The following BRCA1 variants were observed in gnomAD, a reference collection of about 807,000 sequenced individuals.
BRCA1 encodes the protein breast cancer type 1 susceptibility protein.
In BRCA1, 140 loss-of-function variants were observed where a neutral mutation model predicts 173.7. The observed-to-expected ratio is 0.81, with a 90% CI of 0.70 to 0.93. The LOEUF is 0.93. Ranked by LOEUF, BRCA1 falls within the 40% of genes least tolerant of loss-of-function variation. The pLI is 0.00. For missense variants in BRCA1, 1,983 were observed against 2,172.5 expected (o/e 0.91, Z 1.73); for synonymous variants, 662 against 756.0 (o/e 0.88, Z 2.04).
At chr17:43,105,480 A>C (rs1178791068) in intron 4 of BRCA1, among the ~76,000 whole-genome samples, 1 of 152,120 alleles carries the variant, frequency 6.6e-6, no homozygotes, top group South Asian at 2.1e-4. Context: ...GCCTCAAGCA[A>C]TCATCCCACC....
intron 2 of BRCA1, among the ~76,000 whole-genome samples, chr17:43,121,482 C>G (rs1025062344): frequency 6.6e-6 from 1 of 151,924 alleles, no homozygotes; most frequent in Non-Finnish European, 1.5e-5. Context: ...GTCAGGAGTT[C>G]GAGACCAACC....
chr17:43,142,658 C>G (rs1486369601), intron 1 of BRCA1: 3 of 152,168 alleles, frequency 2.0e-5, no homozygotes, highest in Non-Finnish European at 2.9e-5. Context: ...CTGTAAAATG[C>G]CTAACCCAGG....
intron 1 of BRCA1, among the ~76,000 whole-genome samples, chr17:43,143,458 C>T (rs751373938): frequency 5.3e-5 from 8 of 152,184 alleles, no homozygotes; most frequent in Non-Finnish European, 8.8e-5. Context: ...GCTTCCCAGT[C>T]ACACTGCTCC....
intron 1 of BRCA1, among the ~76,000 whole-genome samples, chr17:43,156,082 C>G (rs1315044106): frequency 6.6e-6 from 1 of 151,910 alleles, no homozygotes; most frequent in African/African-American, 2.4e-5. Context: ...GCTAAAACTA[C>G]AAAAATTAAC....
chr17:43,081,606 A>ATGCTATG (rs2053004238), intron 12 of BRCA1, among the ~76,000 whole-genome samples: 1 of 152,064 alleles, frequency 6.6e-6, no homozygotes, highest in South Asian at 2.1e-4. Context: ...CCTAGTGGGG[A>ATGCTATG]CCCCATGCCT....
chr17:43,110,472 G>C (rs2054985207), intron 3 of BRCA1: 1 of 365,950 alleles, frequency 2.7e-6, no homozygotes, highest in Non-Finnish European at 5.4e-6. Context: ...TACAGTCCCA[G>C]CTACTTGGGA....
intron 1 of BRCA1, among the ~76,000 whole-genome samples, chr17:43,154,179 C>G (rs1876897570): frequency 6.6e-6 from 1 of 151,852 alleles, no homozygotes; most frequent in African/African-American, 2.4e-5. Context: ...CAGAGGAAGA[C>G]TCTGTCTCAA....
At chr17:43,060,673 T>C (rs1430797009) in intron 18 of BRCA1, among the ~76,000 whole-genome samples, 1 of 150,558 alleles carries the variant, frequency 6.6e-6, no homozygotes, top group Non-Finnish European at 1.5e-5. Context: ...ACCATGCTAG[T>C]TTTTTGTATT....
intron 1 of BRCA1, among the ~76,000 whole-genome samples, chr17:43,135,634 C>G (rs969749116): frequency 8.5e-5 from 13 of 152,174 alleles, no homozygotes; most frequent in Non-Finnish European, 1.3e-4. Flanking sequence ...TGAGCCCGAA[C>G]AGTCCATAGG....
intron 1 of BRCA1, among the ~76,000 whole-genome samples, chr17:43,133,781 C>T (rs2090324161): frequency 6.6e-6 from 1 of 152,054 alleles, no homozygotes; most frequent in Non-Finnish European, 1.5e-5. Context: ...ACTACAGGCG[C>T]ACACCACCAC....
upstream of BRCA1, among the ~76,000 whole-genome samples, chr17:43,127,807 G>A (rs1015614469): frequency 1.3e-5 from 2 of 152,004 alleles, no homozygotes; most frequent in African/African-American, 2.4e-5. Flanking sequence ...GGTGGATCAC[G>A]AGGTCAAGAG....
intron 20 of BRCA1, among the ~76,000 whole-genome samples, chr17:43,050,784 T>C (rs959289232): frequency 6.6e-6 from 1 of 152,164 alleles, no homozygotes; most frequent in Non-Finnish European, 1.5e-5. Flanking sequence ...ACTAACATGT[T>C]GGCACTAACA....
At chr17:43,166,219 T>TCTCTTTTC (rs1020752261) in intron 1 of BRCA1, 1 of 152,096 alleles carries the variant, frequency 6.6e-6, no homozygotes, top group Non-Finnish European at 1.5e-5. Context: ...TCTTCCTCTC[T>TCTCTTTTC]CTCTTTTCCT....
At chr17:43,170,007 G>C in intron 1 of BRCA1, 1 of 462,440 alleles carries the variant, frequency 2.2e-6, no homozygotes, top group Admixed American at 2.3e-5. Context: ...CTTATCCTCC[G>C]TAAAGGTCAC....
In BRCA1 at chr17:43,097,058, C is replaced by T. The variant is rs1021244565; in HGVS notation, c.593+186G>A. Among the ~76,000 whole-genome samples the T allele has an allele frequency of 3.3e-5, 5 of 152,088 alleles. No homozygotes were observed. Among genetic ancestry groups the T allele is most frequent in the African/African-American group, 4.8e-5 (2 of 41,484 alleles). On this transcript the variant is annotated intron_variant, in intron 8 of 22. Transcript: ENST00000357654. ...AAAACTGTGGGGTATGCTTAGTACCCGGATGATGAAAAAAATCTATACACC... is the reference window on the plus strand; with the variant it reads ...AAAACTGTGGGGTATGCTTAGTACCTGGATGATGAAAAAAATCTATACACC...
intron 1 of BRCA1, 159 bp downstream of exon 1, chr17:43,125,111 TG>T: frequency 7.6e-5 from 32 of 423,274 alleles, no homozygotes; most frequent in South Asian, 1.3e-4. Flanking sequence ...ACCTACAAAC[TG>T]CCCCCCTCCC....
chr17:43,081,980 G>C (rs370039570), intron 12 of BRCA1, among the ~76,000 whole-genome samples: 7 of 152,324 alleles, frequency 4.6e-5, no homozygotes, highest in African/African-American at 1.7e-4. Context: ...AGTATAGGAT[G>C]TCTCTCCCTA....
chr17:43,065,485 A>T lies in BRCA1; in HGVS notation c.5075-1534T>A, dbSNP rs538692389. ...GGAGTCCAAGACCAGCCTGACTGAC[A>T]TGGAAAAACCCTGTCTCTACTAAAA... On this transcript the variant is annotated intron_variant, in intron 16 of 22. Coordinates refer to ENST00000357654, the MANE Select transcript of BRCA1 (RefSeq NM_007294.4). 8.6e-4 allele frequency among the ~76,000 whole-genome samples: 131 copies of T among 152,156 alleles called. 1 individual carries two copies. The highest frequency in any genetic ancestry group is 1.5e-3 in the Non-Finnish European group (100 of 68,030).
chr17:43,070,791 G>C, intron 15 of BRCA1, 137 bp downstream of exon 15: 1 of 1,028,188 alleles, frequency 9.7e-7, no homozygotes, highest in African/African-American at 1.6e-5. Context: ...ATTAGTAATC[G>C]AAATTAAATT....
Sources: allele counts gnomAD v4.1 joint callset (sites outside exome capture counted in the v4.1 genomes callset), GRCh38; gene constraint gnomAD v4.1.1; transcripts MANE v1.5; gene names NCBI Gene and HGNC (gene_info 2026-07-23, HGNC 2026-07-21).